Variants in TRPC4 observed in about 807,000 individuals in gnomAD.
The protein encoded by TRPC4 is short transient receptor potential channel 4.
TRPC4 carries 49 observed loss-of-function variants against 99.4 expected under a neutral mutation model. That is an observed-to-expected ratio of 0.49 (90% CI 0.39 to 0.63). The LOEUF (loss-of-function observed/expected upper bound fraction) is 0.63, where lower values mean the gene tolerates loss of function less well. Ranked by LOEUF, TRPC4 falls within the 20% of genes least tolerant of loss-of-function variation. The probability of loss-of-function intolerance (pLI) is 0.00; values close to 1 mark genes in which losing one functional copy is unlikely to be tolerated. For synonymous variants in TRPC4, 454 were observed against 425.9 expected, an observed-to-expected ratio of 1.07 and a Z score of -0.81; for missense variants, 898 against 1,152.9, an observed-to-expected ratio of 0.78 and a Z score of 3.20.
chr13:37,754,846 A>G (rs1956056410), intron 2 of TRPC4, among the ~76,000 whole-genome samples: 1 of 152,172 alleles, frequency 6.6e-6, no homozygotes, highest in Non-Finnish European at 1.5e-5. Flanking sequence ...TATACAAGCA[A>G]CCATTAACTT....
At chr13:37,707,822 T>C (rs1379398627) in intron 3 of TRPC4, among the ~76,000 whole-genome samples, 1 of 152,146 alleles carries the variant, frequency 6.6e-6, no homozygotes, top group African/African-American at 2.4e-5. Context: ...GATGAAAGAA[T>C]TCGTACAAAA....
intron 4 of TRPC4, among the ~76,000 whole-genome samples, chr13:37,677,766 A>G (rs746984857): frequency 6.6e-6 from 1 of 152,178 alleles, no homozygotes; most frequent in Non-Finnish European, 1.5e-5. Context: ...ACAGAAATTT[A>G]GTAATGATAT....
At chr13:37,761,472 C>T (rs1956220621) in intron 2 of TRPC4, among the ~76,000 whole-genome samples, 1 of 151,858 alleles carries the variant, frequency 6.6e-6, no homozygotes, top group African/African-American at 2.4e-5. Context: ...CCGTTAAATC[C>T]TGCCTCAACC....
chr13:37,810,866 A>C lies in TRPC4; in HGVS notation c.-27-27506T>G, dbSNP rs147700041. ...AAGCATAAACATATTACTCTAGTTT[A>C]TCTCTCCAACAAACTGATCTCGAAA... is the stretch of plus-strand genomic sequence containing the variant. On this transcript the variant is annotated intron_variant, in intron 1 of 10. Transcript: ENST00000379705. Among the ~76,000 whole-genome samples the C allele has an allele frequency of 3.8e-3, 577 of 152,152 alleles. 4 individuals are homozygous for C. Among genetic ancestry groups the C allele is most frequent in the African/African-American group, 0.013 (554 of 41,560 alleles).
At chr13:37,780,504 T>C (rs10507458) in intron 2 of TRPC4, among the ~76,000 whole-genome samples, 10,059 of 152,108 alleles carry the variant, frequency 0.066, 401 homozygotes, top group Non-Finnish European at 0.091. Flanking sequence ...AAAACACAAA[T>C]GGCTTTCAAT....
intron 4 of TRPC4, among the ~76,000 whole-genome samples, chr13:37,689,129 C>T (rs2138860744): frequency 6.6e-6 from 1 of 152,258 alleles, no homozygotes; most frequent in African/African-American, 2.4e-5. Flanking sequence ...GTTTTCTCTG[C>T]CTTAATAATG....
intron 1 of TRPC4, among the ~76,000 whole-genome samples, chr13:37,860,826 G>A (rs1819608): frequency 0.17 from 25,823 of 151,388 alleles, 2,248 homozygotes; most frequent in Non-Finnish European, 0.18. Context: ...TTGTAGGACT[G>A]ATGGAGTGCT....
chr13:37,714,771 C>CACTCTTCCT (rs111335665), intron 3 of TRPC4, among the ~76,000 whole-genome samples: 1 of 152,104 alleles, frequency 6.6e-6, no homozygotes, highest in Non-Finnish European at 1.5e-5. Context: ...CCTATTCAGT[C>CACTCTTCCT]AGTTCAGATT....
chr13:37,744,462 T>C (rs1355987062), intron 3 of TRPC4, among the ~76,000 whole-genome samples: 1 of 152,168 alleles, frequency 6.6e-6, no homozygotes, highest in East Asian at 1.9e-4. Context: ...TTAGAGGGAA[T>C]GGACACAAAA....
At position 37,663,669 on chromosome 13, in the gene TRPC4, C is replaced by A. The variant is rs1952535175; in HGVS notation, c.1435G>T (p.Ala479Ser). ...DMWHPTLVAE[A>S]LFAIANIFSS... is the part of the protein sequence containing the mutation. Reference sequence around the variant, plus strand: ...AAGATGTTTGCAATAGCAAATAAAGCCTCTGCCACCAGAGTGGGATGCCAC... The same window carrying A: ...AAGATGTTTGCAATAGCAAATAAAGACTCTGCCACCAGAGTGGGATGCCAC... The change falls in exon 6 of 11, where the codon GCT becomes TCT. Residue 479 changes from alanine (A) to serine (S), a missense_variant. Around this residue, in one of 3 missense-constraint regions of TRPC4, gnomAD observed 274 missense variants for 454.9 expected, o/e 0.60. Coordinates refer to ENST00000379705, the MANE Select transcript of TRPC4 (RefSeq NM_016179.4). The A allele has an allele frequency of 1.9e-6, 3 of 1,613,986 alleles. No homozygotes were observed. The highest frequency in any genetic ancestry group is 2.5e-6 in the Non-Finnish European group (3 of 1,180,004).
intron 6 of TRPC4, among the ~76,000 whole-genome samples, chr13:37,660,546 T>C (rs930060541): frequency 6.6e-6 from 1 of 152,116 alleles, no homozygotes; most frequent in African/African-American, 2.4e-5. Flanking sequence ...ATGGGAAATA[T>C]TGGGTTCAAA....
intron 3 of TRPC4, among the ~76,000 whole-genome samples, chr13:37,721,670 T>C (rs896297619): frequency 1.3e-5 from 2 of 152,228 alleles, no homozygotes; most frequent in African/African-American, 4.8e-5. Context: ...GATTCATTTA[T>C]AAATAACTTA....
chr13:37,715,339 G>A (rs1366967439), intron 3 of TRPC4, among the ~76,000 whole-genome samples: 1 of 152,140 alleles, frequency 6.6e-6, no homozygotes, highest in Non-Finnish European at 1.5e-5. Flanking sequence ...ATGCATCTTT[G>A]CATAGGTTGA....
chr13:37,674,205 C>A, intron 5 of TRPC4, 23 bp downstream of exon 5: 1 of 1,555,774 alleles, frequency 6.4e-7, no homozygotes, highest in Non-Finnish European at 8.7e-7. Flanking sequence ...ATATGCTTTA[C>A]CAACAACATA....
At position 37,692,044 on chromosome 13, in the gene TRPC4, G is replaced by A; in HGVS notation, c.1189C>T (p.Pro397Ser). ...ATCCACTCGACGATGGTTGGTGGTGGACCTTGCCTGTTCAAGTCTGACCTG... is the reference window on the plus strand; with the variant it reads ...ATCCACTCGACGATGGTTGGTGGTGAACCTTGCCTGTTCAAGTCTGACCTG... ...IDRSDLNRQG[P>S]PPTIVEWMIL... The change falls in exon 4 of 11, where the codon CCA becomes TCA. Residue 397 changes from proline to serine, a missense_variant. Pro to Ser is a moderately conservative substitution (Grantham distance 74). Around this residue, in one of 3 missense-constraint regions of TRPC4, gnomAD observed 274 missense variants for 454.9 expected, o/e 0.60. Coordinates refer to ENST00000379705, the MANE Select transcript of TRPC4 (RefSeq NM_016179.4). 6.2e-7 allele frequency: 1 copy of A among 1,613,618 alleles called. No individual in the cohort carries two copies. Among genetic ancestry groups the A allele is most frequent in the Non-Finnish European group, 8.5e-7 (1 of 1,179,726 alleles).
intron 3 of TRPC4, among the ~76,000 whole-genome samples, chr13:37,724,561 C>CTG (rs1401058675): frequency 1.3e-5 from 2 of 151,862 alleles, no homozygotes; most frequent in African/African-American, 4.8e-5. Context: ...GAAGGATTAG[C>CTG]AAATATTTCC....
At chr13:37,762,282 G>T (rs1240012423) in intron 2 of TRPC4, among the ~76,000 whole-genome samples, 2 of 151,696 alleles carry the variant, frequency 1.3e-5, no homozygotes, top group African/African-American at 4.8e-5. Context: ...CTGACTTTTT[G>T]TTCAACCATT....
chr13:37,644,031 G>A (rs2138563042), intron 8 of TRPC4, among the ~76,000 whole-genome samples: 1 of 152,204 alleles, frequency 6.6e-6, no homozygotes, highest in Admixed American at 6.5e-5. Flanking sequence ...CACAATCTAT[G>A]TATAGGGGAT....
Position 37,724,268 on chromosome 13 carries a change from G to A in TRPC4, c.897+21669C>T, listed in dbSNP as rs186504745. ...TGTCAGTGAATGTGTAGGCCCATAA[G>A]TGTGTAGGTATGTTTTGTGTGCACG... On this transcript the variant is annotated intron_variant, in intron 3 of 10. Coordinates refer to ENST00000379705, the MANE Select transcript of TRPC4 (RefSeq NM_016179.4). Among the ~76,000 whole-genome samples the A allele has an allele frequency of 1.1e-3, 162 of 152,262 alleles. 2 individuals carry two copies. Among genetic ancestry groups the A allele is most frequent in the Non-Finnish European group, 5.6e-4 (38 of 68,020 alleles).
Sources: gnomAD v4.1 joint callset for allele counts (sites outside exome capture counted in the v4.1 genomes callset) on GRCh38, gnomAD v4.1.1 for gene constraint, gnomAD v4.1.1 regional missense constraint, MANE v1.5 for transcripts, NCBI Gene and HGNC (gene_info 2026-07-23, HGNC 2026-07-21) for gene names.